SVOPL: variants seen among roughly 807,000 people sequenced by gnomAD.
SVOPL encodes putative transporter SVOPL.
A neutral mutation model predicts 61.0 loss-of-function variants in SVOPL; 60 were observed. That is an observed-to-expected ratio of 0.98 (90% CI 0.80 to 1.22). The LOEUF (loss-of-function observed/expected upper bound fraction) is 1.22. Among genes scored for constraint, SVOPL ranks in the 50% most tolerant of loss-of-function variants. The pLI is 0.00. For missense variants in SVOPL, 662 were observed against 643.9 expected (o/e 1.03, Z -0.30); for synonymous variants, 279 against 250.0 (o/e 1.12, Z -1.09).
intron 13 of SVOPL, among the ~76,000 whole-genome samples, chr7:138,622,622 T>A (rs1297490555): frequency 6.6e-6 from 1 of 151,586 alleles, no homozygotes; most frequent in East Asian, 1.9e-4. Context: ...TAACATTTTA[T>A]TAAATTTTTA....
chr7:138,641,930 C>T (rs1433816870), intron 9 of SVOPL, among the ~76,000 whole-genome samples: 1 of 145,704 alleles, frequency 6.9e-6, no homozygotes, highest in Non-Finnish European at 1.5e-5. Flanking sequence ...TGTGTATACA[C>T]ACACACACAC....
chr7:138,680,389 T>C (rs1584866326), intron 1 of SVOPL, among the ~76,000 whole-genome samples: 1 of 152,212 alleles, frequency 6.6e-6, no homozygotes, highest in Non-Finnish European at 1.5e-5. Context: ...CCTCAAGTGA[T>C]CCGCCTGCCT....
At chr7:138,682,682 T>C (rs1000508998) in intron 1 of SVOPL, among the ~76,000 whole-genome samples, 1 of 151,952 alleles carries the variant, frequency 6.6e-6, no homozygotes, top group Middle Eastern at 3.4e-3. Flanking sequence ...ATAAAACAAG[T>C]GTGTGGCTGG....
chr7:138,661,317 A>C, intron 5 of SVOPL: 1 of 985,380 alleles, frequency 1.0e-6, no homozygotes, highest in Non-Finnish European at 1.2e-6. Context: ...ACATGAGCAA[A>C]ATGTGTAGCT....
chr7:138,691,644 G>A (rs761025098), intron 1 of SVOPL, among the ~76,000 whole-genome samples: 2 of 152,094 alleles, frequency 1.3e-5, no homozygotes, highest in African/African-American at 2.4e-5. Context: ...AGGTTCAAGC[G>A]ATTCTCGTGC....
intron 7 of SVOPL, among the ~76,000 whole-genome samples, chr7:138,654,906 GC>G (rs1178800817): frequency 4.1e-5 from 6 of 145,572 alleles, no homozygotes; most frequent in African/African-American, 1.5e-4. Flanking sequence ...AGAATTCAGA[GC>G]CTGCTGGGTA....
chr7:138,606,442 G>T (rs567377873), intron 14 of SVOPL, among the ~76,000 whole-genome samples: 8 of 152,204 alleles, frequency 5.3e-5, no homozygotes, highest in African/African-American at 1.9e-4. Context: ...AGTTACTTGT[G>T]TAACTGCCCT....
intron 7 of SVOPL, among the ~76,000 whole-genome samples, chr7:138,650,904 A>T (rs986689119): frequency 6.7e-6 from 1 of 149,398 alleles, no homozygotes; most frequent in Non-Finnish European, 1.5e-5. Context: ...CAAGTGTATA[A>T]GGCTTCAGCG....
intron 9 of SVOPL, among the ~76,000 whole-genome samples, chr7:138,640,881 A>G (rs967840874): frequency 2.0e-5 from 3 of 152,080 alleles, no homozygotes; most frequent in African/African-American, 7.2e-5. Flanking sequence ...CCCATGTAAC[A>G]AACCCACACA....
intron 9 of SVOPL, among the ~76,000 whole-genome samples, chr7:138,635,409 T>TTA (rs1554462270): frequency 6.6e-6 from 1 of 151,098 alleles, no homozygotes; most frequent in African/African-American, 2.4e-5. Flanking sequence ...TTTTTTTTTT[T>TTA]AAATAGAGAT....
intron 5 of SVOPL, chr7:138,662,486 T>C (rs1802043443): frequency 1.8e-5 from 18 of 985,552 alleles, no homozygotes; most frequent in Non-Finnish European, 1.9e-5. Flanking sequence ...CACATAGTCC[T>C]GAAAGAACAG....
chr7:138,597,267 T>C (rs983054819), intron 14 of SVOPL: 1 of 1,267,594 alleles, frequency 7.9e-7, no homozygotes, highest in Non-Finnish European at 1.0e-6. Context: ...CACAGAATAA[T>C]GTATTATAAT....
chr7:138,601,037 G>A (rs1222627694), intron 14 of SVOPL, among the ~76,000 whole-genome samples: 1 of 151,846 alleles, frequency 6.6e-6, no homozygotes, highest in Non-Finnish European at 1.5e-5. Flanking sequence ...GGATCACAAG[G>A]TCAGGAGATC....
intron 4 of SVOPL, among the ~76,000 whole-genome samples, chr7:138,668,834 G>A (rs1226077939): frequency 6.6e-6 from 1 of 152,174 alleles, no homozygotes; most frequent in East Asian, 1.9e-4. Flanking sequence ...TCCACCACCA[G>A]TTTCAGACTA....
At chr7:138,686,024 T>C (rs969046297) in intron 1 of SVOPL, among the ~76,000 whole-genome samples, 27 of 152,184 alleles carry the variant, frequency 1.8e-4, no homozygotes, top group African/African-American at 6.0e-4. Context: ...AGTTTTTATG[T>C]CATTCATGTC....
rs1464492944 is a variant in SVOPL at position 138,661,291 on chromosome 7, T to C, written c.346-1303A>G. 5.1e-6 allele frequency: 5 copies of C among 985,298 alleles called. 1 individual carries two copies. The Middle Eastern group carries it at 1.5e-3, about 305-fold the overall frequency. The allele number at this position is 985,298 out of a possible 1,614,324, so 61.0% of individuals were successfully genotyped here. On this transcript the variant is annotated intron_variant, in intron 5 of 15. Coordinates refer to ENST00000674285, the MANE Select transcript of SVOPL (RefSeq NM_001139456.2). ...CACGTGACTTTGAGCACGTAGCTAG[T>C]TTCAAAGCTATACCAACATGAGCAA...
In SVOPL at chr7:138,643,970, G is replaced by A. The variant is rs566061908; in HGVS notation, c.789+747C>T. ...TATAATCCCAGCACTTTGGGAGGCC[G>A]AGGCAGGTGGATCACGAGGTCAAGA... On this transcript the variant is annotated intron_variant, in intron 9 of 15. Transcript: ENST00000674285. Among the ~76,000 whole-genome samples, 23 of 151,934 alleles carry A rather than the reference G, an allele frequency of 1.5e-4. No individual in the cohort carries two copies. The South Asian group carries it at 3.5e-3, about 23-fold the overall frequency.
chr7:138,667,549 C>T (rs1225958385), intron 4 of SVOPL, among the ~76,000 whole-genome samples: 1 of 152,154 alleles, frequency 6.6e-6, no homozygotes. Flanking sequence ...CCAATGTTCA[C>T]CTCATTTTAT....
At chr7:138,688,239 C>CAT (rs1187007436) in intron 1 of SVOPL, among the ~76,000 whole-genome samples, 2 of 151,846 alleles carry the variant, frequency 1.3e-5, no homozygotes, top group Admixed American at 6.6e-5. Flanking sequence ...CACAAGATAT[C>CAT]ACTTCCTACT....
Sources: allele counts gnomAD v4.1 joint callset (sites outside exome capture counted in the v4.1 genomes callset), GRCh38; gene constraint gnomAD v4.1.1; transcripts MANE v1.5; gene names NCBI Gene and HGNC (gene_info 2026-07-23, HGNC 2026-07-21).